The following MICU1 variants were observed in gnomAD, a reference collection of about 807,000 sequenced individuals.
MICU1 encodes the protein mitochondrial calcium uptake 1.
In MICU1, 45 loss-of-function variants were observed where a neutral mutation model predicts 56.8. The ratio of observed to expected loss-of-function variants is 0.79; its 90% CI spans 0.62 to 1.02. The LOEUF (loss-of-function observed/expected upper bound fraction) is 1.02, where lower values mean the gene tolerates loss of function less well. Among genes scored for constraint, MICU1 ranks in the 50% least tolerant of loss-of-function variants. The pLI, the probability that MICU1 is intolerant of heterozygous loss-of-function variation, is 0.00. For synonymous variants in MICU1, 186 were observed against 195.1 expected (o/e 0.95, Z 0.39); for missense variants, 504 against 587.1 (o/e 0.86, Z 1.46).
intron 10 of MICU1, chr10:72,379,663 A>T: frequency 2.8e-6 from 1 of 355,886 alleles, no homozygotes; most frequent in South Asian, 2.1e-5. Flanking sequence ...AGGCTCATTA[A>T]ATTGGTATTA....
chr10:72,418,510 CTCTT>C (rs1864057683), intron 9 of MICU1, among the ~76,000 whole-genome samples: 1 of 152,168 alleles, frequency 6.6e-6, no homozygotes, highest in South Asian at 2.1e-4. Context: ...TTATTAACTT[CTCTT>C]TCTGTCTCTA....
At chr10:72,582,183 C>A (rs1840918085) in intron 1 of MICU1, among the ~76,000 whole-genome samples, 1 of 152,210 alleles carries the variant, frequency 6.6e-6, no homozygotes, top group Admixed American at 6.5e-5. Flanking sequence ...CCTGCCTCAG[C>A]CTCCCAAAGT....
At chr10:72,514,307 A>G (rs1022033585) in intron 5 of MICU1, among the ~76,000 whole-genome samples, 4 of 151,860 alleles carry the variant, frequency 2.6e-5, no homozygotes, top group African/African-American at 7.3e-5. Context: ...TAGTACATAT[A>G]ATGTCCGTGC....
At position 72,563,996 on chromosome 10, in the gene MICU1, T is replaced by C. The variant is rs1048726052; in HGVS notation, c.162-933A>G. ...AAGAAGAAATAGGGGACCAAAATAA[T>C]ATAAGTATTTCTTTTTTAAAAAATA... On this transcript the variant is annotated intron_variant, in intron 2 of 11. Coordinates refer to ENST00000361114, the MANE Select transcript of MICU1 (RefSeq NM_001195518.2). 1.2e-4 allele frequency among the ~76,000 whole-genome samples: 17 copies of C among 140,340 alleles called. No individual in the cohort carries two copies. The East Asian group carries it at 2.1e-3, about 17-fold the overall frequency. The allele number at this position is 140,340 out of a possible 152,430, so 92.1% of individuals were successfully genotyped here. A position where few individuals can be genotyped will look rare whatever the true frequency, so the allele number is the denominator to read the frequency against.
chr10:72,544,176 C>A (rs2132430193), intron 4 of MICU1, among the ~76,000 whole-genome samples: 1 of 152,300 alleles, frequency 6.6e-6, no homozygotes, highest in East Asian at 1.9e-4. Context: ...GTACCCGCTG[C>A]TTGCTCAATT....
intron 5 of MICU1, among the ~76,000 whole-genome samples, chr10:72,515,638 A>G (rs1867623638): frequency 6.6e-6 from 1 of 152,216 alleles, no homozygotes; most frequent in South Asian, 2.1e-4. Flanking sequence ...TATTTATTCA[A>G]GCTTAGAATA....
chr10:72,610,020 A>G (rs1344940027), intron 1 of MICU1, among the ~76,000 whole-genome samples: 1 of 151,596 alleles, frequency 6.6e-6, no homozygotes, highest in Non-Finnish European at 1.5e-5. Context: ...TGAGCGACAG[A>G]GCGAGACTCC....
chr10:72,423,186 C>T (rs543519337), intron 9 of MICU1, 48 bp downstream of exon 9: 17 of 1,587,508 alleles, frequency 1.1e-5, no homozygotes, highest in Middle Eastern at 1.7e-4. Context: ...TAAATAATAA[C>T]CATACATTAC....
chr10:72,546,742 T>C (rs549871388), intron 4 of MICU1, among the ~76,000 whole-genome samples: 1 of 152,178 alleles, frequency 6.6e-6, no homozygotes, highest in Non-Finnish European at 1.5e-5. Flanking sequence ...ATTACTATTA[T>C]TGAGACAGGG....
intron 4 of MICU1, among the ~76,000 whole-genome samples, chr10:72,537,641 G>T (rs976951112): frequency 1.3e-5 from 2 of 152,096 alleles, no homozygotes; most frequent in Non-Finnish European, 2.9e-5. Context: ...AGGCTCAGAA[G>T]GTTAAATGAC....
intron 5 of MICU1, chr10:72,523,844 T>C (rs1867892819): frequency 6.5e-7 from 1 of 1,527,076 alleles, no homozygotes; most frequent in Non-Finnish European, 8.8e-7. Context: ...CGTCTGTAAG[T>C]ATATATTCTT....
At chr10:72,402,280 C>T (rs1863480160) in intron 10 of MICU1, among the ~76,000 whole-genome samples, 1 of 152,172 alleles carries the variant, frequency 6.6e-6, no homozygotes, top group African/African-American at 2.4e-5. Flanking sequence ...GTCCCCGATT[C>T]CATGGCCAGG....
chr10:72,446,007 T>C (rs1462142455), intron 8 of MICU1, among the ~76,000 whole-genome samples: 1 of 152,122 alleles, frequency 6.6e-6, no homozygotes, highest in Non-Finnish European at 1.5e-5. Context: ...TTAAAATTGC[T>C]ATTGGCTAAG....
chr10:72,545,021 C>T (rs989450345), intron 4 of MICU1, among the ~76,000 whole-genome samples: 1 of 152,094 alleles, frequency 6.6e-6, no homozygotes, highest in African/African-American at 2.4e-5. Context: ...GTGAAAAATA[C>T]AACAAAATAA....
At chr10:72,453,997 A>C (rs1340556216) in intron 8 of MICU1, among the ~76,000 whole-genome samples, 1 of 151,856 alleles carries the variant, frequency 6.6e-6, no homozygotes. Flanking sequence ...CACCACGCCC[A>C]GCTAATGTTT....
chr10:72,544,749 G>A (rs1377835231), intron 4 of MICU1, among the ~76,000 whole-genome samples: 1 of 152,100 alleles, frequency 6.6e-6, no homozygotes, highest in Non-Finnish European at 1.5e-5. Flanking sequence ...GAGGGAGATG[G>A]GACATATTCA....
At chr10:72,497,367 A>G (rs1866881454) in intron 6 of MICU1, among the ~76,000 whole-genome samples, 1 of 152,078 alleles carries the variant, frequency 6.6e-6, no homozygotes, top group Non-Finnish European at 1.5e-5. Context: ...CCAAATAAGC[A>G]TCTTTATAAG....
At chr10:72,442,018 C>T (rs140690072) in intron 8 of MICU1, among the ~76,000 whole-genome samples, 1 of 152,128 alleles carries the variant, frequency 6.6e-6, no homozygotes, top group Non-Finnish European at 1.5e-5. Context: ...CAGTAGACTA[C>T]AATCTAATGA....
In MICU1 at chr10:72,423,235, T is replaced by C. The variant is rs1357822383; in HGVS notation, c.1070A>G (p.Lys357Arg). Residue 357 changes from lysine (K) to arginine (R), a missense_variant and splice_region_variant, in exon 9 of 12, where the codon AAG becomes AGG. Lys to Arg is a conservative substitution (Grantham distance 26). Transcript: ENST00000361114. ...CTTCCTCCAGCCAAAGCTACCTACC[T>C]TTCCTTCTTTGAAGTGCTTCTTGAG... The part of the protein sequence containing the change: ...RQLKKHFKEG[K>R]GLTFQEVENF... 2 of 1,612,724 alleles carry C rather than the reference T, an allele frequency of 1.2e-6. No individual in the cohort carries two copies. The highest frequency in any genetic ancestry group is 1.1e-5 in the South Asian group (1 of 90,838).
Sources: gnomAD v4.1 joint callset for allele counts (sites outside exome capture counted in the v4.1 genomes callset) on GRCh38, gnomAD v4.1.1 for gene constraint, MANE v1.5 for transcripts, NCBI Gene and HGNC (gene_info 2026-07-23, HGNC 2026-07-21) for gene names.